The following GRM1 variants were observed in gnomAD, a reference collection of about 807,000 sequenced individuals.
GRM1 encodes the protein metabotropic glutamate receptor 1.
GRM1 carries 33 observed loss-of-function variants against 90.9 expected under a neutral mutation model. That is an observed-to-expected ratio of 0.36 (90% CI 0.28 to 0.49). GRM1 has a LOEUF of 0.49. GRM1 is among the 20% of genes least tolerant of loss of function. The pLI is 0.99. For missense variants in GRM1, 1,190 were observed against 1,534.3 expected, an observed-to-expected ratio of 0.78 and a Z score of 3.75; for synonymous variants, 700 against 613.2, an observed-to-expected ratio of 1.14 and a Z score of -2.09.
At chr6:146,147,899 G>T (rs1480196870) in intron 1 of GRM1, among the ~76,000 whole-genome samples, 7 of 151,956 alleles carry the variant, frequency 4.6e-5, no homozygotes, top group Admixed American at 6.6e-5. Flanking sequence ...GAAAGAAAAA[G>T]AAAAAAAGAA....
At chr6:146,395,173 G>T (rs1776883240) in intron 6 of GRM1, among the ~76,000 whole-genome samples, 1 of 151,922 alleles carries the variant, frequency 6.6e-6, no homozygotes, top group African/African-American at 2.4e-5. Context: ...ATGTTGATTT[G>T]GGTTATTTAC....
intron 2 of GRM1, among the ~76,000 whole-genome samples, chr6:146,193,015 A>G (rs982511108): frequency 4.6e-5 from 7 of 152,182 alleles, no homozygotes; most frequent in Non-Finnish European, 1.0e-4. Context: ...TTTGTTAACT[A>G]CTGGATGTAA....
chr6:146,181,511 C>T (rs1409857154), intron 2 of GRM1, among the ~76,000 whole-genome samples: 1 of 152,186 alleles, frequency 6.6e-6, no homozygotes, highest in African/African-American at 2.4e-5. Flanking sequence ...TATAAGTTCA[C>T]TCTGCCATGA....
intron 7 of GRM1, among the ~76,000 whole-genome samples, chr6:146,410,985 C>G (rs1777545678): frequency 1.3e-5 from 2 of 152,150 alleles, no homozygotes; most frequent in Non-Finnish European, 2.9e-5. Context: ...AAGATAAATA[C>G]TGTTGACTCA....
chr6:146,207,852 G>A (rs576780476), intron 2 of GRM1, among the ~76,000 whole-genome samples: 120 of 152,200 alleles, frequency 7.9e-4, no homozygotes, highest in African/African-American at 2.7e-3. Flanking sequence ...CCCTAAAATG[G>A]GGTTTGTAAT....
chr6:146,397,129 G>A (rs1309022029), intron 6 of GRM1, among the ~76,000 whole-genome samples: 1 of 152,066 alleles, frequency 6.6e-6, no homozygotes, highest in Non-Finnish European at 1.5e-5. Context: ...AAATTATCTT[G>A]GTGAAGCCTC....
chr6:146,163,534 A>G (rs1470544476), intron 2 of GRM1, among the ~76,000 whole-genome samples: 3 of 152,212 alleles, frequency 2.0e-5, no homozygotes, highest in Non-Finnish European at 2.9e-5. Flanking sequence ...AAAGTGCTGC[A>G]GTGCCAGTGC....
intron 6 of GRM1, among the ~76,000 whole-genome samples, chr6:146,397,270 C>T (rs543280616): frequency 5.9e-5 from 9 of 151,658 alleles, no homozygotes; most frequent in South Asian, 4.2e-4. Context: ...ATCAGGAGAT[C>T]GAGAACATCC....
chr6:146,044,113 T>A (rs945048344), intron 1 of GRM1, among the ~76,000 whole-genome samples: 1 of 151,944 alleles, frequency 6.6e-6, no homozygotes, highest in African/African-American at 2.4e-5. Context: ...GCCATGAGGC[T>A]GTGTTTGGAC....
intron 2 of GRM1, among the ~76,000 whole-genome samples, chr6:146,256,084 G>A (rs761915439): frequency 6.6e-6 from 1 of 152,082 alleles, no homozygotes; most frequent in South Asian, 2.1e-4. Context: ...CTACTGGCTC[G>A]GATACAGCTT....
chr6:146,346,022 T>G (rs1785176952), intron 3 of GRM1, among the ~76,000 whole-genome samples: 1 of 152,258 alleles, frequency 6.6e-6, no homozygotes, highest in African/African-American at 2.4e-5. Flanking sequence ...GTTTCCTCTC[T>G]TATAGAAACA....
chr6:146,319,334 G>A (rs756780716), intron 3 of GRM1, among the ~76,000 whole-genome samples: 13 of 152,138 alleles, frequency 8.5e-5, no homozygotes, highest in Non-Finnish European at 1.8e-4. Flanking sequence ...TAATATATAT[G>A]TTTTGGTACC....
At chr6:146,304,543 T>A in intron 2 of GRM1, 68 bp from the exon 3 acceptor site, 2 of 1,080,042 alleles carry the variant, frequency 1.9e-6, no homozygotes, top group Non-Finnish European at 2.8e-6. Flanking sequence ...CATTCATATA[T>A]AACTCTGAGC....
At chr6:146,162,528 C>A (rs544862669) in intron 2 of GRM1, among the ~76,000 whole-genome samples, 1 of 152,260 alleles carries the variant, frequency 6.6e-6, no homozygotes, top group African/African-American at 2.4e-5. Flanking sequence ...ACCTCAGAAT[C>A]GGACCTCTTG....
chr6:146,106,365 G>T (rs1775298338), intron 1 of GRM1, among the ~76,000 whole-genome samples: 1 of 152,178 alleles, frequency 6.6e-6, no homozygotes, highest in African/African-American at 2.4e-5. Context: ...TGGATGGCAA[G>T]TGCTTCTGCT....
intron 1 of GRM1, among the ~76,000 whole-genome samples, chr6:146,045,017 G>C (rs184906078): frequency 3.6e-4 from 55 of 151,996 alleles, no homozygotes; most frequent in Non-Finnish European, 6.9e-4. Context: ...TGATGCTGCT[G>C]ATTTCTGGAC....
chr6:146,081,084 G>A (rs1776350188), intron 1 of GRM1, among the ~76,000 whole-genome samples: 1 of 152,174 alleles, frequency 6.6e-6, no homozygotes, highest in South Asian at 2.1e-4. Context: ...AATAAGGTCC[G>A]TCTCAGCAAA....
Position 146,434,209 on chromosome 6 carries a change from A to T in GRM1, c.2998A>T (p.Thr1000Ser). 1 of 1,606,722 alleles carries T rather than the reference A, an allele frequency of 6.2e-7. No homozygotes were observed. Among genetic ancestry groups the T allele is most frequent in the Non-Finnish European group, 8.5e-7 (1 of 1,174,648 alleles). The change falls in exon 8 of 8, where the codon ACC becomes TCC. Residue 1000 changes from threonine (T) to serine (S), a missense_variant. Thr to Ser is a moderately conservative substitution (Grantham distance 58). Transcript: ENST00000282753. Reference sequence around the variant, plus strand: ...GCCGTCCCACCTGACCGCAGAGGAGACCCCCCTCTTCCTGGCCGAACCAGC... The same window carrying T: ...GCCGTCCCACCTGACCGCAGAGGAGTCCCCCCTCTTCCTGGCCGAACCAGC... ...PLPSHLTAEETPLFLAEPALP... is the reference protein window; with the variant it reads ...PLPSHLTAEESPLFLAEPALP...
intron 5 of GRM1, among the ~76,000 whole-genome samples, chr6:146,385,776 A>G (rs192191365): frequency 2.0e-5 from 3 of 152,164 alleles, no homozygotes; most frequent in Admixed American, 6.6e-5. Context: ...AGTAAAATGT[A>G]TAAAACTATA....
Sources: allele counts gnomAD v4.1 joint callset (sites outside exome capture counted in the v4.1 genomes callset), GRCh38; gene constraint gnomAD v4.1.1; transcripts MANE v1.5; gene names NCBI Gene and HGNC (gene_info 2026-07-23, HGNC 2026-07-21).